The following CYP7B1 variants were observed in gnomAD, a reference collection of about 807,000 sequenced individuals.
CYP7B1 encodes the protein cytochrome P450 7B1.
CYP7B1 carries 29 observed loss-of-function variants against 42.7 expected under a neutral mutation model. The ratio of observed to expected loss-of-function variants is 0.68; its 90% CI spans 0.51 to 0.93. The LOEUF is 0.93. Among genes scored for constraint, CYP7B1 ranks in the 40% least tolerant of loss-of-function variants. CYP7B1 has a pLI of 0.00. For synonymous variants in CYP7B1, 235 were observed against 218.2 expected (o/e 1.08, Z -0.68); for missense variants, 655 against 600.5 (o/e 1.09, Z -0.95).
intron 4 of CYP7B1, among the ~76,000 whole-genome samples, chr8:64,610,753 T>C (rs536485462): frequency 4.6e-5 from 7 of 152,212 alleles, no homozygotes; most frequent in African/African-American, 1.4e-4. Flanking sequence ...ATATATCTTA[T>C]AAAAAATACT....
intron 1 of CYP7B1, among the ~76,000 whole-genome samples, chr8:64,677,249 CAT>C (rs769904346): frequency 2.4e-4 from 36 of 151,832 alleles, no homozygotes; most frequent in Non-Finnish European, 4.7e-4. Flanking sequence ...AAAGCATTCT[CAT>C]GTGCTTACCA....
chr8:64,707,078 AC>A (rs1365603575), intron 1 of CYP7B1, among the ~76,000 whole-genome samples: 2 of 152,042 alleles, frequency 1.3e-5, no homozygotes, highest in African/African-American at 4.8e-5. Flanking sequence ...TTATACTCCA[AC>A]AACTCAAAAA....
intron 1 of CYP7B1, among the ~76,000 whole-genome samples, chr8:64,631,859 C>A (rs1486607206): frequency 6.6e-6 from 1 of 151,706 alleles, no homozygotes; most frequent in African/African-American, 2.4e-5. Context: ...ATTAAATTCA[C>A]AATGAGATAG....
At chr8:64,628,291 C>CA (rs767717040) in intron 1 of CYP7B1, among the ~76,000 whole-genome samples, 1 of 152,176 alleles carries the variant, frequency 6.6e-6, no homozygotes, top group East Asian at 1.9e-4. Flanking sequence ...TTCTTTCATA[C>CA]AAGTTGTAGG....
At chr8:64,695,074 C>T (rs1462367401) in intron 1 of CYP7B1, among the ~76,000 whole-genome samples, 1 of 152,078 alleles carries the variant, frequency 6.6e-6, no homozygotes, top group Non-Finnish European at 1.5e-5. Flanking sequence ...TCGAACCCTT[C>T]AATTATATGC....
intron 1 of CYP7B1, among the ~76,000 whole-genome samples, chr8:64,768,595 T>C (rs1804152423): frequency 6.6e-6 from 1 of 152,216 alleles, no homozygotes; most frequent in African/African-American, 2.4e-5. Flanking sequence ...TAGAGCTCTC[T>C]GTGCACATGA....
intron 1 of CYP7B1, among the ~76,000 whole-genome samples, chr8:64,796,796 T>G (rs1298042755): frequency 6.6e-6 from 1 of 152,212 alleles, no homozygotes. Context: ...CCCACGATTT[T>G]TATTAACATA....
intron 1 of CYP7B1, among the ~76,000 whole-genome samples, chr8:64,645,580 C>T (rs1449678592): frequency 2.0e-5 from 3 of 152,138 alleles, no homozygotes; most frequent in Non-Finnish European, 4.4e-5. Context: ...ATTTCATGCT[C>T]GTGGGTAGGA....
At chr8:64,757,493 C>T (rs776878200) in intron 1 of CYP7B1, among the ~76,000 whole-genome samples, 16 of 152,098 alleles carry the variant, frequency 1.1e-4, no homozygotes, top group Non-Finnish European at 2.2e-4. Flanking sequence ...TTAGTATTTC[C>T]CTAGCATGTA....
chr8:64,659,171 T>C (rs1281437910), intron 1 of CYP7B1, among the ~76,000 whole-genome samples: 1 of 152,212 alleles, frequency 6.6e-6, no homozygotes, highest in Non-Finnish European at 1.5e-5. Flanking sequence ...GGGGAACTGG[T>C]ATTTTACTAA....
At chr8:64,604,878 A>T (rs777963964) in intron 4 of CYP7B1, 21 bp from the exon 5 acceptor site, 2 of 1,610,444 alleles carry the variant, frequency 1.2e-6, no homozygotes, top group Non-Finnish European at 1.7e-6. Context: ...AAAACAAACG[A>T]TAGCTTATTA....
intron 1 of CYP7B1, among the ~76,000 whole-genome samples, chr8:64,720,141 A>C (rs1807215801): frequency 6.6e-6 from 1 of 152,346 alleles, no homozygotes; most frequent in South Asian, 2.1e-4. Flanking sequence ...CTGAATAGCT[A>C]AGGATTTTTT....
chr8:64,792,001 A>T (rs1358965706), intron 1 of CYP7B1, among the ~76,000 whole-genome samples: 1 of 152,222 alleles, frequency 6.6e-6, no homozygotes, highest in East Asian at 1.9e-4. Context: ...CATCAAAAAT[A>T]AACAGTAGAA....
chr8:64,720,240 G>A (rs750558239), intron 1 of CYP7B1, among the ~76,000 whole-genome samples: 5 of 152,086 alleles, frequency 3.3e-5, no homozygotes, highest in Non-Finnish European at 5.9e-5. Flanking sequence ...AAAAAAAGAC[G>A]ATGTCGAAGA....
intron 1 of CYP7B1, among the ~76,000 whole-genome samples, chr8:64,790,141 T>C (rs1804594035): frequency 6.6e-6 from 1 of 152,074 alleles, no homozygotes; most frequent in Non-Finnish European, 1.5e-5. Context: ...TAAGGTCCTA[T>C]TTACACAAAC....
intron 1 of CYP7B1, among the ~76,000 whole-genome samples, chr8:64,686,131 G>A (rs1163543479): frequency 8.7e-3 from 829 of 95,644 alleles, no homozygotes; most frequent in African/African-American, 0.035. Flanking sequence ...CCGGCCAGCC[G>A]CCCCGTCTGG....
intron 1 of CYP7B1, among the ~76,000 whole-genome samples, chr8:64,789,547 C>A (rs1804584181): frequency 6.6e-6 from 1 of 152,208 alleles, no homozygotes; most frequent in Non-Finnish European, 1.5e-5. Flanking sequence ...GGCATGCCCT[C>A]CACTTCTTCA....
rs1805075857 is a variant in CYP7B1, at chr8:64,593,851, C to T, written c.*2791G>A. On this transcript the variant is annotated 3_prime_UTR_variant, in exon 6 of 6. Coordinates refer to ENST00000310193, the MANE Select transcript of CYP7B1 (RefSeq NM_004820.5). ...GGATGTTGAGTTTATAATAAAGGTA[C>T]AAGATATTATAAAAAATAAGCAGCA... Among the ~76,000 whole-genome samples the T allele has an allele frequency of 6.6e-6, 1 of 151,850 alleles. No individual in the cohort carries two copies. The highest frequency in any genetic ancestry group is 1.5e-5 in the Non-Finnish European group (1 of 67,974).
chr8:64,739,353 C>T (rs1375784320), intron 1 of CYP7B1, among the ~76,000 whole-genome samples: 1 of 152,164 alleles, frequency 6.6e-6, no homozygotes, highest in Non-Finnish European at 1.5e-5. Flanking sequence ...GAGTAGAAAA[C>T]ACATAGACTC....
Sources: allele counts gnomAD v4.1 joint callset (sites outside exome capture counted in the v4.1 genomes callset), GRCh38; gene constraint gnomAD v4.1.1; transcripts MANE v1.5; gene names NCBI Gene and HGNC (gene_info 2026-07-23, HGNC 2026-07-21).